Variants in PDE1A observed in about 807,000 individuals in gnomAD.
PDE1A encodes phosphodiesterase 1A, also known as dual specificity calcium/calmodulin-dependent 3',5'-cyclic nucleotide phosphodiesterase 1A.
A neutral mutation model predicts 61.7 loss-of-function variants in PDE1A; 35 were observed. The ratio of observed to expected loss-of-function variants is 0.57; its 90% CI spans 0.43 to 0.75. PDE1A has a LOEUF of 0.75. Among genes scored for constraint, PDE1A ranks in the 30% least tolerant of loss-of-function variants. The probability of loss-of-function intolerance (pLI) is 0.00; values close to 1 mark genes in which losing one functional copy is unlikely to be tolerated. For missense variants in PDE1A, 597 were observed against 630.6 expected (o/e 0.95, Z 0.57); for synonymous variants, 232 against 213.2 (o/e 1.09, Z -0.77).
downstream of PDE1A, chr2:182,142,127 C>CACACACAG (rs1690254931): frequency 6.7e-6 from 1 of 148,572 alleles, no homozygotes; most frequent in African/African-American, 2.6e-5. Flanking sequence ...TTTTTGAACA[C>CACACACAG]ACACACACAC....
chr2:182,613,904 T>G, the PDE1A span, among the ~76,000 whole-genome samples: 3 of 152,320 alleles, frequency 2.0e-5, no homozygotes, highest in South Asian at 6.2e-4. Context: ...CATGCCACAC[T>G]CCTTTCAATG....
intron 11 of PDE1A, 124 bp from the exon 12 acceptor site, chr2:182,186,712 TG>T: frequency 1.2e-6 from 1 of 860,898 alleles, no homozygotes; most frequent in Non-Finnish European, 1.8e-6. Flanking sequence ...ACTAAAATAT[TG>T]GTTCTGCTTA....
intron 1 of PDE1A, among the ~76,000 whole-genome samples, chr2:182,407,365 C>A (rs1388826236): frequency 6.6e-6 from 1 of 151,476 alleles, no homozygotes; most frequent in East Asian, 1.9e-4. Flanking sequence ...TTCTTTCCTT[C>A]AACATACTTT....
At chr2:182,249,436 G>A (rs922798848) in intron 2 of PDE1A, among the ~76,000 whole-genome samples, 2 of 152,120 alleles carry the variant, frequency 1.3e-5, no homozygotes, top group Non-Finnish European at 2.9e-5. Context: ...GTCTTGCGGG[G>A]CAAACCATGG....
chr2:182,451,043 T>C (rs1311155510), intron 2 of PDE1A, among the ~76,000 whole-genome samples: 1 of 152,076 alleles, frequency 6.6e-6, no homozygotes, highest in Non-Finnish European at 1.5e-5. Context: ...ACCAATGCTA[T>C]GGAAATACAT....
chr2:182,609,282 A>C, the PDE1A span, among the ~76,000 whole-genome samples: 1 of 152,162 alleles, frequency 6.6e-6, no homozygotes, highest in Non-Finnish European at 1.5e-5. Flanking sequence ...TGCAAAACAG[A>C]CCAATCGGCT....
the PDE1A span, among the ~76,000 whole-genome samples, chr2:182,658,443 A>G: frequency 3.4e-3 from 515 of 152,322 alleles, 3 homozygotes; most frequent in African/African-American, 0.012. Context: ...TCTTAACCTC[A>G]TCTTAATTTG....
At chr2:182,171,671 G>T (rs982690127) in intron 13 of PDE1A, among the ~76,000 whole-genome samples, 1 of 151,552 alleles carries the variant, frequency 6.6e-6, no homozygotes, top group African/African-American at 2.4e-5. Context: ...AATTATTGGG[G>T]GTATATAACA....
chr2:182,510,461 A>G (rs1050219443), intron 2 of PDE1A, among the ~76,000 whole-genome samples: 1 of 152,238 alleles, frequency 6.6e-6, no homozygotes, highest in African/African-American at 2.4e-5. Context: ...AAACTTGCTC[A>G]CATATTACAT....
chr2:182,621,756 G>A, the PDE1A span, among the ~76,000 whole-genome samples: 60,583 of 151,786 alleles, frequency 0.4, 13,535 homozygotes, highest in East Asian at 0.58. Flanking sequence ...GGGTTTCAAA[G>A]TATTTAACTC....
At chr2:182,716,252 C>G in the PDE1A span, 1 of 152,418 alleles carries the variant, frequency 6.6e-6, no homozygotes, top group African/African-American at 2.4e-5. Flanking sequence ...CGCGCCAGGC[C>G]CCGCCCCGGC....
chr2:182,219,507 G>T (rs1473217467), intron 7 of PDE1A, among the ~76,000 whole-genome samples: 1 of 152,056 alleles, frequency 6.6e-6, no homozygotes, highest in African/African-American at 2.4e-5. Context: ...GTTCATATAA[G>T]TTGGCAAGTT....
chr2:182,172,313 C>T (rs533916639), intron 13 of PDE1A, among the ~76,000 whole-genome samples: 161 of 152,114 alleles, frequency 1.1e-3, no homozygotes, highest in Non-Finnish European at 2.0e-3. Context: ...CCCATGAGTT[C>T]TGCTCTCAAG....
intron 1 of PDE1A, among the ~76,000 whole-genome samples, chr2:182,420,107 T>C (rs1703181659): frequency 6.6e-6 from 1 of 152,024 alleles, no homozygotes; most frequent in Admixed American, 6.6e-5. Flanking sequence ...GCAGATAAAA[T>C]GCCACTGTGC....
chr2:182,453,960 A>G (rs1252516569), intron 2 of PDE1A, among the ~76,000 whole-genome samples: 1 of 151,986 alleles, frequency 6.6e-6, no homozygotes, highest in Non-Finnish European at 1.5e-5. Context: ...TTCAATTAGG[A>G]AAAGAGGAAG....
chr2:182,141,866 A>G (rs1424126335), exon 15 of PDE1A: 1 of 152,226 alleles, frequency 6.6e-6, no homozygotes, highest in Middle Eastern at 3.2e-3. Flanking sequence ...TGAAGCTCAC[A>G]ATCATTGCAA....
chr2:182,588,374 A>G, the PDE1A span, among the ~76,000 whole-genome samples: 1 of 152,220 alleles, frequency 6.6e-6, no homozygotes, highest in African/African-American at 2.4e-5. Flanking sequence ...TCACAGGTGA[A>G]CAAAAAGTTC....
chr2:182,668,202 T>A, the PDE1A span, among the ~76,000 whole-genome samples: 1 of 152,090 alleles, frequency 6.6e-6, no homozygotes, highest in Admixed American at 6.5e-5. Flanking sequence ...ACAGCTGACT[T>A]ATGATTCCCA....
At chr2:182,240,172 A>T in exon 3 of PDE1A, 1 of 1,614,002 alleles carries the variant, frequency 6.2e-7, no homozygotes, top group Non-Finnish European at 8.5e-7. Flanking sequence ...GTTTTTCCTC[A>T]GGTTTCTTTT....
Sources: allele counts gnomAD v4.1 joint callset (sites outside exome capture counted in the v4.1 genomes callset), GRCh38; gene constraint gnomAD v4.1.1; transcripts MANE v1.5; gene names NCBI Gene and HGNC (gene_info 2026-07-23, HGNC 2026-07-21).